RYR3: variants seen among roughly 807,000 people sequenced by gnomAD.
RYR3 encodes the protein brain ryanodine receptor-calcium release channel.
Under a neutral mutation model 584.3 loss-of-function variants are expected in RYR3, and 207 were observed. That is an observed-to-expected ratio of 0.35 (90% CI 0.32 to 0.40). RYR3 has a LOEUF of 0.40. RYR3 is among the 10% of genes least tolerant of loss of function. The pLI is 1.00. For missense variants in RYR3, 5,616 were observed against 6,089.2 expected, an observed-to-expected ratio of 0.92 and a Z score of 2.59; for synonymous variants, 2,416 against 2,248.5, an observed-to-expected ratio of 1.07 and a Z score of -2.11.
At chr15:33,547,102 C>T (rs554289270) in intron 8 of RYR3, among the ~76,000 whole-genome samples, 3 of 152,166 alleles carry the variant, frequency 2.0e-5, no homozygotes, top group African/African-American at 4.8e-5. Context: ...AGCAACCTGC[C>T]CCGATCACAG....
In RYR3 at chr15:33,864,856, A is replaced by C. The variant is rs552117363; in HGVS notation, c.14518-275A>C. The stretch of plus-strand genomic sequence containing the variant: ...GAATCAGCTTATTGCTAAATCTTTA[A>C]GTATGTTTAGTGGCAAACATTGATT... On this transcript the variant is annotated intron_variant, in intron 103 of 103. Coordinates refer to ENST00000634891, the MANE Select transcript of RYR3 (RefSeq NM_001036.6). 71 of 380,212 alleles carry C rather than the reference A, an allele frequency of 1.9e-4. No individual in the cohort carries two copies. In the Admixed American group the frequency reaches 2.8e-3, roughly 15 times the overall value. 23.6% of individuals were successfully genotyped at this position (380,212 alleles called of 1,614,324 possible).
chr15:33,859,818 A>ATTCACAC, intron 100 of RYR3, 87 bp downstream of exon 100: 1 of 1,354,040 alleles, frequency 7.4e-7, no homozygotes, highest in Non-Finnish European at 1.0e-6. Flanking sequence ...TGGTTTATGA[A>ATTCACAC]GAAGCGTGTG....
chr15:33,425,702 C>T (rs1243983242), intron 1 of RYR3, among the ~76,000 whole-genome samples: 1 of 133,984 alleles, frequency 7.5e-6, no homozygotes, highest in Non-Finnish European at 1.5e-5. Flanking sequence ...AGTGAATTGC[C>T]GTGATCTTGG....
intron 38 of RYR3, among the ~76,000 whole-genome samples, chr15:33,670,792 T>C (rs945812905): frequency 4.6e-5 from 7 of 152,142 alleles, no homozygotes; most frequent in Non-Finnish European, 7.4e-5. Flanking sequence ...TTGGTGTCTG[T>C]TCTTGCTGTC....
At chr15:33,826,416 T>C in intron 83 of RYR3, 147 bp downstream of exon 83, 1 of 865,996 alleles carries the variant, frequency 1.2e-6, no homozygotes, top group Non-Finnish European at 1.9e-6. Context: ...AGAAGTGTCT[T>C]CCATCTGTAA....
chr15:33,548,949 T>C (rs1467537844), intron 9 of RYR3, among the ~76,000 whole-genome samples: 1 of 152,144 alleles, frequency 6.6e-6, no homozygotes, highest in Non-Finnish European at 1.5e-5. Context: ...CCCGAAAATA[T>C]GTTCAAAATA....
At chr15:33,734,622 G>A (rs2069252267) in intron 48 of RYR3, among the ~76,000 whole-genome samples, 1 of 151,738 alleles carries the variant, frequency 6.6e-6, no homozygotes, top group South Asian at 2.1e-4. Flanking sequence ...AGTCGCATTG[G>A]TGAGACTGAT....
At chr15:33,454,417 G>A (rs1036262855) in intron 1 of RYR3, among the ~76,000 whole-genome samples, 1 of 152,102 alleles carries the variant, frequency 6.6e-6, no homozygotes, top group Non-Finnish European at 1.5e-5. Flanking sequence ...GTATATTGGC[G>A]GTAACATGCT....
At chr15:33,472,300 A>G (rs766257210) in intron 1 of RYR3, among the ~76,000 whole-genome samples, 1 of 152,196 alleles carries the variant, frequency 6.6e-6, no homozygotes, top group South Asian at 2.1e-4. Context: ...CACTCTCACC[A>G]GGTGGGACCA....
At chr15:33,452,807 A>G (rs2047239039) in intron 1 of RYR3, among the ~76,000 whole-genome samples, 1 of 152,244 alleles carries the variant, frequency 6.6e-6, no homozygotes, top group African/African-American at 2.4e-5. Context: ...CTACCCTGCT[A>G]TAATGGATTT....
intron 1 of RYR3, among the ~76,000 whole-genome samples, chr15:33,342,373 TA>T (rs996328852): frequency 1.5e-4 from 23 of 152,248 alleles, no homozygotes; most frequent in African/African-American, 5.5e-4. Context: ...CACTGAAAGT[TA>T]AGCCATGTTC....
At position 33,702,562 on chromosome 15, in the gene RYR3, G is replaced by T. The variant is rs140342751; in HGVS notation, c.6483+1482G>T. ...CTGAGGAGGCCGGCGATGAGTTTGG[G>T]GTCTGTCAAGTTTAAGGGGCCCCAG... is the stretch of plus-strand genomic sequence containing the variant. On this transcript the variant is annotated intron_variant, in intron 42 of 103. Transcript: ENST00000634891. Among the ~76,000 whole-genome samples, 1,336 of 152,214 alleles carry T rather than the reference G, an allele frequency of 8.8e-3. 18 individuals are homozygous for T. Among genetic ancestry groups the T allele is most frequent in the African/African-American group, 0.031 (1,267 of 41,500 alleles).
chr15:33,846,132 G>A (rs1365851821), intron 93 of RYR3, among the ~76,000 whole-genome samples: 3 of 152,196 alleles, frequency 2.0e-5, no homozygotes, highest in East Asian at 1.9e-4. Context: ...CCTTCTCCAC[G>A]TGGCCTTTCC....
At chr15:33,620,291 G>C (rs2060658375) in intron 19 of RYR3, among the ~76,000 whole-genome samples, 1 of 152,092 alleles carries the variant, frequency 6.6e-6, no homozygotes, top group Admixed American at 6.5e-5. Flanking sequence ...GCTTCCACGT[G>C]GTTTCTTGAA....
intron 2 of RYR3, among the ~76,000 whole-genome samples, chr15:33,491,049 G>T (rs542299849): frequency 6.6e-6 from 1 of 152,200 alleles, no homozygotes; most frequent in South Asian, 2.1e-4. Context: ...AAAATAAACT[G>T]CCAACAATTC....
intron 1 of RYR3, among the ~76,000 whole-genome samples, chr15:33,334,645 C>A (rs1442561923): frequency 1.3e-5 from 2 of 151,998 alleles, no homozygotes; most frequent in East Asian, 3.9e-4. Flanking sequence ...AATGAAGATG[C>A]CAAAAGCAAT....
intron 6 of RYR3, among the ~76,000 whole-genome samples, chr15:33,540,548 G>A (rs2055733753): frequency 6.6e-6 from 1 of 152,184 alleles, no homozygotes. Context: ...ATCAGCTCCA[G>A]CTGAGGGGAT....
chr15:33,841,997 T>G lies in RYR3; in HGVS notation c.13171T>G (p.Phe4391Val). 6.2e-7 allele frequency: 1 copy of G among 1,603,736 alleles called. No individual in the cohort carries two copies. The highest frequency in any genetic ancestry group is 1.1e-5 in the South Asian group (1 of 88,840). ...GAAGCCGGAAGCTTTCACAGCCAAT[T>G]TCTTTAAAGGGCTGGAAATCTATCA... ...VEKPEAFTAN[F>V]FKGLEIYQTK... The change falls in exon 91 of 104, where the codon TTC (phenylalanine) becomes GTC (valine). Residue 4391 changes from phenylalanine to valine, a missense_variant. Transcript: ENST00000634891.
At chr15:33,634,562 C>T in intron 24 of RYR3, 24 bp from the exon 25 acceptor site, 1 of 1,613,312 alleles carries the variant, frequency 6.2e-7, no homozygotes. Context: ...TTTCTTGGCA[C>T]CTTTTTTCTC....
Sources: gnomAD v4.1 joint callset for allele counts (sites outside exome capture counted in the v4.1 genomes callset) on GRCh38, gnomAD v4.1.1 for gene constraint, MANE v1.5 for transcripts, NCBI Gene and HGNC (gene_info 2026-07-23, HGNC 2026-07-21) for gene names.